The following TPRG1 variants were observed in gnomAD, a reference collection of about 807,000 sequenced individuals.
TPRG1 encodes the protein tumor protein p63-regulated gene 1 protein.
A neutral mutation model predicts 29.3 loss-of-function variants in TPRG1; 29 were observed. That is an observed-to-expected ratio of 0.99 (90% CI 0.74 to 1.35). The LOEUF (loss-of-function observed/expected upper bound fraction) is 1.35. Among genes scored for constraint, TPRG1 ranks in the 40% most tolerant of loss-of-function variants. The pLI is 0.00. For synonymous variants in TPRG1, 130 were observed against 116.8 expected (o/e 1.11, Z -0.73); for missense variants, 327 against 335.0 (o/e 0.98, Z 0.19).
intron 4 of TPRG1, among the ~76,000 whole-genome samples, chr3:189,275,573 A>T (rs928460319): frequency 1.3e-5 from 2 of 152,194 alleles, no homozygotes. Context: ...TAGCAAGAAT[A>T]AAGCCATATG....
chr3:189,136,886 A>G (rs1723808357), intron 3 of TPRG1, among the ~76,000 whole-genome samples: 1 of 152,186 alleles, frequency 6.6e-6, no homozygotes, highest in South Asian at 2.1e-4. Context: ...GGTCTCCACA[A>G]TCATCATTCA....
intron 2 of TPRG1, among the ~76,000 whole-genome samples, chr3:189,002,674 G>A (rs1226161253): frequency 1.3e-5 from 2 of 152,074 alleles, no homozygotes; most frequent in African/African-American, 2.4e-5. Flanking sequence ...TAAATTACCC[G>A]AAGGAATTTT....
intron 3 of TPRG1, among the ~76,000 whole-genome samples, chr3:189,228,830 C>T (rs1327197262): frequency 1.3e-5 from 2 of 152,076 alleles, no homozygotes; most frequent in South Asian, 2.1e-4. Flanking sequence ...TATTAACTAT[C>T]TCTATTTGTA....
chr3:189,227,512 T>C (rs569637213), intron 3 of TPRG1, among the ~76,000 whole-genome samples: 2 of 152,300 alleles, frequency 1.3e-5, no homozygotes, highest in Middle Eastern at 3.4e-3. Flanking sequence ...GTCATTTTTT[T>C]CCCTCTAGCC....
At chr3:189,187,638 C>G (rs913022028) in intron 1 of TPRG1, among the ~76,000 whole-genome samples, 1 of 152,110 alleles carries the variant, frequency 6.6e-6, no homozygotes, top group Non-Finnish European at 1.5e-5. Flanking sequence ...TTATACTGTC[C>G]TGTAAGATGT....
intron 4 of TPRG1, among the ~76,000 whole-genome samples, chr3:189,082,314 T>G (rs1003509586): frequency 1.3e-5 from 2 of 152,224 alleles, no homozygotes; most frequent in Non-Finnish European, 1.5e-5. Context: ...GGGCCTTACA[T>G]GACCCTTGGG....
chr3:189,046,172 G>C (rs1183791696), intron 4 of TPRG1, among the ~76,000 whole-genome samples: 1 of 152,178 alleles, frequency 6.6e-6, no homozygotes, highest in Non-Finnish European at 1.5e-5. Flanking sequence ...ATCTTGGTTT[G>C]GGCCAATGGT....
chr3:189,299,338 T>C (rs2109254460), intron 4 of TPRG1, among the ~76,000 whole-genome samples: 1 of 152,278 alleles, frequency 6.6e-6, no homozygotes, highest in South Asian at 2.1e-4. Flanking sequence ...TCAATATAGA[T>C]GTGACATGCC....
At chr3:189,228,997 T>A (rs889517909) in intron 3 of TPRG1, among the ~76,000 whole-genome samples, 3 of 152,088 alleles carry the variant, frequency 2.0e-5, no homozygotes, top group Non-Finnish European at 2.9e-5. Flanking sequence ...AAGCTAAAAT[T>A]AAAAATGCAA....
chr3:189,311,284 C>G (rs1031148471), intron 5 of TPRG1, among the ~76,000 whole-genome samples: 2 of 152,118 alleles, frequency 1.3e-5, no homozygotes, highest in Non-Finnish European at 1.5e-5. Flanking sequence ...GCTTATAGAC[C>G]TAGAAATTCT....
intron 4 of TPRG1, among the ~76,000 whole-genome samples, chr3:189,048,282 G>T (rs1394403027): frequency 6.6e-6 from 1 of 152,118 alleles, no homozygotes; most frequent in Non-Finnish European, 1.5e-5. Flanking sequence ...TATTTCAAAA[G>T]AAATATTTTT....
At chr3:189,231,403 G>A (rs1738632935) in intron 3 of TPRG1, among the ~76,000 whole-genome samples, 1 of 151,832 alleles carries the variant, frequency 6.6e-6, no homozygotes, top group Admixed American at 6.6e-5. Flanking sequence ...TCTTTAAGTA[G>A]ATTTACTTCA....
intron 3 of TPRG1, among the ~76,000 whole-genome samples, chr3:189,020,922 G>T (rs1713265728): frequency 9.9e-6 from 1 of 100,556 alleles, no homozygotes; most frequent in Non-Finnish European, 2.0e-5. Flanking sequence ...CTCCTGTATT[G>T]GGTGCATATA....
At chr3:189,256,253 C>A (rs1470724851) in intron 4 of TPRG1, among the ~76,000 whole-genome samples, 1 of 152,152 alleles carries the variant, frequency 6.6e-6, no homozygotes. Flanking sequence ...TTTATTTCTG[C>A]CTTAATTTCA....
chr3:189,059,236 T>G (rs1715929945), intron 4 of TPRG1, among the ~76,000 whole-genome samples: 1 of 152,200 alleles, frequency 6.6e-6, no homozygotes, highest in Non-Finnish European at 1.5e-5. Flanking sequence ...TTCCAAGCAC[T>G]TTCTGTGCCA....
intron 3 of TPRG1, among the ~76,000 whole-genome samples, chr3:189,017,363 G>C (rs951123295): frequency 5.9e-5 from 9 of 151,912 alleles, no homozygotes; most frequent in Non-Finnish European, 1.0e-4. Context: ...ATATCTCCCA[G>C]TGCTATCCCT....
chr3:189,254,836 C>T (rs181886604), intron 4 of TPRG1, among the ~76,000 whole-genome samples: 3 of 151,896 alleles, frequency 2.0e-5, no homozygotes, highest in Admixed American at 6.6e-5. Flanking sequence ...CTATTATTGG[C>T]GTATAGGAAT....
At chr3:189,170,159 G>A (rs1039202833), upstream of TPRG1, among the ~76,000 whole-genome samples, 2 of 152,130 alleles carry the variant, frequency 1.3e-5, no homozygotes, top group African/African-American at 2.4e-5. Flanking sequence ...TGCCTTTTGT[G>A]CCCCCACCCT....
intron 4 of TPRG1, among the ~76,000 whole-genome samples, chr3:189,087,520 G>A (rs1359371121): frequency 2.6e-5 from 4 of 152,070 alleles, no homozygotes; most frequent in African/African-American, 2.4e-5. Context: ...ATTGGATCCC[G>A]TTTGTCAATT....
Sources: allele counts gnomAD v4.1 joint callset (sites outside exome capture counted in the v4.1 genomes callset), GRCh38; gene constraint gnomAD v4.1.1; transcripts MANE v1.5; gene names NCBI Gene and HGNC (gene_info 2026-07-23, HGNC 2026-07-21).